The following SMOC2 variants were observed in gnomAD, a reference collection of about 807,000 sequenced individuals.
SMOC2 encodes SPARC-related modular calcium-binding protein 2.
SMOC2 carries 39 observed loss-of-function variants against 61.4 expected under a neutral mutation model. The observed-to-expected ratio is 0.64, with a 90% confidence interval of 0.49 to 0.83. The LOEUF (loss-of-function observed/expected upper bound fraction) is 0.83, where lower values mean the gene tolerates loss of function less well. Ranked by LOEUF, SMOC2 falls within the 40% of genes least tolerant of loss-of-function variation. SMOC2 has a pLI of 0.00. For synonymous variants in SMOC2, 247 were observed against 239.9 expected (o/e 1.03, Z -0.27); for missense variants, 556 against 592.9 (o/e 0.94, Z 0.65).
rs893074551 is a variant in SMOC2 at position 168,535,206 on chromosome 6, G to T, written c.463+7479G>T. Among the ~76,000 whole-genome samples, 1 of 152,064 alleles carries T rather than the reference G, an allele frequency of 6.6e-6. No homozygotes were observed. Among genetic ancestry groups the T allele is most frequent in the African/African-American group, 2.4e-5 (1 of 41,402 alleles). On this transcript the variant is annotated intron_variant, in intron 4 of 12. Transcript: ENST00000356284. This position sits in a 1 kb window ranked among gnomAD's most constrained non-coding sequence, Gnocchi z 4.6. ...TGGATGGTCTCAATCTCCTGACCTT[G>T]TGATCCGCTCACCTTGGCCTCCCAA...
At chr6:168,649,631 A>G (rs1410741046) in intron 9 of SMOC2, among the ~76,000 whole-genome samples, 1 of 152,040 alleles carries the variant, frequency 6.6e-6, no homozygotes, top group Admixed American at 6.6e-5. Flanking sequence ...ACACAAATAG[A>G]CCCAGTTGGA....
intron 9 of SMOC2, among the ~76,000 whole-genome samples, chr6:168,619,272 G>A (rs1447396119): frequency 2.0e-5 from 3 of 152,106 alleles, no homozygotes; most frequent in African/African-American, 4.8e-5. Context: ...TTTAGCCTGC[G>A]TTACTTTGAA....
rs896994270 is a variant in SMOC2 at position 168,527,889 on chromosome 6, A to G, written c.463+162A>G. 3.3e-5 allele frequency among the ~76,000 whole-genome samples: 5 copies of G among 152,252 alleles called. No individual in the cohort carries two copies. The East Asian group carries it at 9.6e-4, about 29-fold the overall frequency. On this transcript the variant is annotated intron_variant, in intron 4 of 12. Transcript: ENST00000356284. ...AGATCTCGTCACTGACAAAGCCTACATTTTAGGGAGCCCTTGTTTTTAAGA... is the reference window on the plus strand; with the variant it reads ...AGATCTCGTCACTGACAAAGCCTACGTTTTAGGGAGCCCTTGTTTTTAAGA...
At chr6:168,639,145 C>T (rs1413979967) in intron 9 of SMOC2, among the ~76,000 whole-genome samples, 1 of 152,166 alleles carries the variant, frequency 6.6e-6, no homozygotes, top group Non-Finnish European at 1.5e-5. Flanking sequence ...TCAGATGCAG[C>T]CATACTCTGG....
intron 7 of SMOC2, among the ~76,000 whole-genome samples, chr6:168,592,338 TCCGAG>T (rs1562367192): frequency 0.077 from 8,329 of 108,798 alleles, 1,560 homozygotes; most frequent in Admixed American, 0.12. Flanking sequence ...CTAGAGGATC[TCCGAG>T]CTCCTCCTCC....
At chr6:168,572,925 G>A (rs1784700817) in intron 7 of SMOC2, among the ~76,000 whole-genome samples, 1 of 93,604 alleles carries the variant, frequency 1.1e-5, no homozygotes, top group African/African-American at 6.5e-5. Context: ...CTTCCTCCCC[G>A]CATCCCCTGG....
chr6:168,524,876 C>T (rs1783417791), intron 2 of SMOC2, among the ~76,000 whole-genome samples: 1 of 152,268 alleles, frequency 6.6e-6, no homozygotes, highest in African/African-American at 2.4e-5. Context: ...AGAGGAGTCG[C>T]ACAAAGGCCC....
At chr6:168,637,944 G>T (rs1217634944) in intron 9 of SMOC2, among the ~76,000 whole-genome samples, 1 of 152,130 alleles carries the variant, frequency 6.6e-6, no homozygotes, top group Non-Finnish European at 1.5e-5. Flanking sequence ...GCTGGAGCTG[G>T]ATGCTGAGCG....
intron 1 of SMOC2, among the ~76,000 whole-genome samples, chr6:168,471,465 A>G (rs1001093357): frequency 1.3e-5 from 2 of 152,220 alleles, no homozygotes; most frequent in African/African-American, 4.8e-5. Context: ...TGCATACACC[A>G]CCTTTAGCTT....
chr6:168,607,291 C>T (rs1379547863), intron 8 of SMOC2, among the ~76,000 whole-genome samples: 1 of 152,172 alleles, frequency 6.6e-6, no homozygotes, highest in Non-Finnish European at 1.5e-5. Context: ...GGGGTCTCCT[C>T]CTTGCCCTAC....
At chr6:168,531,841 C>T (rs1208718101) in intron 4 of SMOC2, among the ~76,000 whole-genome samples, 1 of 152,136 alleles carries the variant, frequency 6.6e-6, no homozygotes, top group Non-Finnish European at 1.5e-5. Context: ...ATGTTTCTCC[C>T]CCAAATACCA....
At chr6:168,557,040 C>T (rs9346723) in intron 7 of SMOC2, among the ~76,000 whole-genome samples, 7,142 of 151,994 alleles carry the variant, frequency 0.047, 174 homozygotes, top group African/African-American at 0.057. Flanking sequence ...TTTGTTATAT[C>T]GGACATATTA....
At chr6:168,501,883 A>G (rs1782739049) in intron 1 of SMOC2, among the ~76,000 whole-genome samples, 1 of 152,204 alleles carries the variant, frequency 6.6e-6, no homozygotes, top group South Asian at 2.1e-4. Context: ...CGCCCTGGCC[A>G]CATCCTCCTG....
intron 4 of SMOC2, among the ~76,000 whole-genome samples, chr6:168,530,903 CAG>C (rs1301484142): frequency 6.6e-6 from 1 of 152,182 alleles, no homozygotes; most frequent in Non-Finnish European, 1.5e-5. Flanking sequence ...AGCCTGGAAA[CAG>C]ATCTGTGTCC....
At chr6:168,574,917 G>A (rs1209788725) in intron 7 of SMOC2, among the ~76,000 whole-genome samples, 3 of 152,180 alleles carry the variant, frequency 2.0e-5, no homozygotes, top group Admixed American at 6.5e-5. Flanking sequence ...AGGTGACTTC[G>A]TGCCGGGGTG....
intron 9 of SMOC2, among the ~76,000 whole-genome samples, chr6:168,637,035 A>G (rs763577601): frequency 1.3e-5 from 2 of 151,030 alleles, no homozygotes; most frequent in Non-Finnish European, 1.5e-5. Context: ...CATCCACTCA[A>G]GTCAACTCAA....
At chr6:168,552,381 T>C (rs891900097) in intron 7 of SMOC2, among the ~76,000 whole-genome samples, 18 of 152,200 alleles carry the variant, frequency 1.2e-4, no homozygotes, top group African/African-American at 4.3e-4. Context: ...TTGATAATAA[T>C]TTGGGTATTT....
chr6:168,649,975 C>G (rs1787151130), intron 9 of SMOC2, among the ~76,000 whole-genome samples: 1 of 152,140 alleles, frequency 6.6e-6, no homozygotes, highest in Non-Finnish European at 1.5e-5. Context: ...ACGAGTGTCT[C>G]AGGCATGGTG....
At chr6:168,515,922 C>T (rs1411267400) in intron 2 of SMOC2, among the ~76,000 whole-genome samples, 1 of 152,230 alleles carries the variant, frequency 6.6e-6, no homozygotes, top group African/African-American at 2.4e-5. Context: ...ACAGGATTGT[C>T]CCTTTAGATC....
Sources: gnomAD v4.1 joint callset for allele counts (sites outside exome capture counted in the v4.1 genomes callset) on GRCh38, gnomAD v4.1.1 for gene constraint, Gnocchi (gnomAD v3.1) non-coding constraint, MANE v1.5 for transcripts, NCBI Gene and HGNC (gene_info 2026-07-23, HGNC 2026-07-21) for gene names.